The following TTC28 variants were observed in gnomAD, a reference collection of about 807,000 sequenced individuals.
The protein encoded by TTC28 is tetratricopeptide repeat domain 28, also known as tetratricopeptide repeat protein 28.
Under a neutral mutation model 198.0 loss-of-function variants are expected in TTC28, and 61 were observed. The ratio of observed to expected loss-of-function variants is 0.31; its 90% CI spans 0.25 to 0.38. TTC28 has a LOEUF of 0.38. Among genes scored for constraint, TTC28 ranks in the 10% least tolerant of loss-of-function variants. The pLI, the probability that TTC28 is intolerant of heterozygous loss-of-function variation, is 1.00. For missense variants in TTC28, 2,678 were observed against 3,164.0 expected, an observed-to-expected ratio of 0.85 and a Z score of 3.69; for synonymous variants, 1,171 against 1,297.8, an observed-to-expected ratio of 0.90 and a Z score of 2.10.
At chr22:28,098,894 A>G in intron 10 of TTC28, 21 bp downstream of exon 10, 1 of 1,551,094 alleles carries the variant, frequency 6.4e-7, no homozygotes, top group Non-Finnish European at 8.7e-7. Context: ...GTAAGCAAGG[A>G]GTAACCCCAG....
chr22:28,215,324 T>G (rs1927302635), intron 5 of TTC28, among the ~76,000 whole-genome samples: 1 of 152,174 alleles, frequency 6.6e-6, no homozygotes, highest in Non-Finnish European at 1.5e-5. Context: ...ATGGTCTGCA[T>G]GGTGCCTTCC....
intron 5 of TTC28, among the ~76,000 whole-genome samples, chr22:28,209,586 G>C (rs952157959): frequency 4.6e-5 from 7 of 152,204 alleles, no homozygotes; most frequent in Non-Finnish European, 8.8e-5. Flanking sequence ...GCGAGGCTGG[G>C]GGAGGGGCGT....
At chr22:28,013,498 G>T (rs1229589801) in intron 14 of TTC28, among the ~76,000 whole-genome samples, 1 of 152,220 alleles carries the variant, frequency 6.6e-6, no homozygotes, top group East Asian at 1.9e-4. Context: ...GGCAGATTAT[G>T]CAAGGGTGTC....
intron 2 of TTC28, among the ~76,000 whole-genome samples, chr22:28,473,127 T>G (rs1399659928): frequency 6.6e-6 from 1 of 152,154 alleles, no homozygotes; most frequent in Non-Finnish European, 1.5e-5. Context: ...ACACGAGGAT[T>G]TCTTTACACT....
chr22:28,167,096 C>A (rs1173769938), intron 5 of TTC28, among the ~76,000 whole-genome samples: 3 of 152,184 alleles, frequency 2.0e-5, no homozygotes, highest in African/African-American at 7.2e-5. Context: ...TTCCTCGACA[C>A]ATACACCCGC....
At chr22:28,167,241 G>A (rs1238473085) in intron 5 of TTC28, among the ~76,000 whole-genome samples, 1 of 152,094 alleles carries the variant, frequency 6.6e-6, no homozygotes, top group East Asian at 1.9e-4. Context: ...TTCTACCAGA[G>A]GTATAAGGAG....
intron 18 of TTC28, 115 bp from the exon 19 acceptor site, chr22:27,992,778 G>A: frequency 1.1e-6 from 1 of 918,418 alleles, no homozygotes; most frequent in Non-Finnish European, 1.6e-6. Flanking sequence ...TTTTTCAGAA[G>A]CTCAGCACAG....
At chr22:28,537,612 T>A (rs1246771324) in intron 2 of TTC28, among the ~76,000 whole-genome samples, 2 of 151,972 alleles carry the variant, frequency 1.3e-5, no homozygotes, top group East Asian at 1.9e-4. Flanking sequence ...GATTGATAGA[T>A]CAAAATGTAT....
intron 5 of TTC28, among the ~76,000 whole-genome samples, chr22:28,198,522 A>C (rs1332866069): frequency 6.6e-6 from 1 of 152,182 alleles, no homozygotes; most frequent in Non-Finnish European, 1.5e-5. Context: ...ACATTTATTT[A>C]AAATAATATT....
chr22:28,576,861 T>C (rs748456258), intron 2 of TTC28, among the ~76,000 whole-genome samples: 5 of 152,020 alleles, frequency 3.3e-5, no homozygotes, highest in Admixed American at 2.6e-4. Context: ...ATTATTTGGG[T>C]CTTCTCTCTT....
At chr22:28,003,701 C>A (rs1355391623) in intron 14 of TTC28, among the ~76,000 whole-genome samples, 1 of 152,208 alleles carries the variant, frequency 6.6e-6, no homozygotes, top group African/African-American at 2.4e-5. Context: ...GGAATCCACG[C>A]AGAGCAAACA....
At position 28,647,667 on chromosome 22, in the gene TTC28, G is replaced by A. The variant is rs373278171; in HGVS notation, c.103-17837C>T. Among the ~76,000 whole-genome samples the A allele has an allele frequency of 2.5e-4, 38 of 151,294 alleles. No homozygotes were observed. The East Asian group carries it at 4.9e-3, about 20-fold the overall frequency. ...ATCCTGGCCAACACGGTGAAACCCCGTCTCTACTAAAAATACAAAAAATTA... is the reference window on the plus strand; with the variant it reads ...ATCCTGGCCAACACGGTGAAACCCCATCTCTACTAAAAATACAAAAAATTA... On this transcript the variant is annotated intron_variant, in intron 1 of 22. Coordinates refer to ENST00000397906, the MANE Select transcript of TTC28 (RefSeq NM_001145418.2).
At chr22:27,987,460 G>A (rs557813342) in intron 21 of TTC28, among the ~76,000 whole-genome samples, 9 of 152,336 alleles carry the variant, frequency 5.9e-5, no homozygotes, top group Admixed American at 5.2e-4. Flanking sequence ...GGCCAGGTGC[G>A]GTGGCTCACG....
At chr22:28,538,788 C>T (rs1211532496) in intron 2 of TTC28, among the ~76,000 whole-genome samples, 2 of 152,006 alleles carry the variant, frequency 1.3e-5, no homozygotes, top group Non-Finnish European at 2.9e-5. Context: ...TCTCGAACTC[C>T]TGACCTCAAA....
intron 15 of TTC28, chr22:28,000,996 A>C: frequency 1.1e-5 from 2 of 177,102 alleles, no homozygotes; most frequent in Non-Finnish European, 2.4e-5. Flanking sequence ...GGCCAGATGA[A>C]TTGGGTGGCT....
intron 5 of TTC28, among the ~76,000 whole-genome samples, chr22:28,292,251 G>T (rs970661092): frequency 1.3e-5 from 2 of 152,198 alleles, no homozygotes; most frequent in Non-Finnish European, 2.9e-5. Context: ...ACAATGGTGT[G>T]AACTTGGCCC....
At chr22:28,226,537 C>T (rs1928353721) in intron 5 of TTC28, among the ~76,000 whole-genome samples, 1 of 152,048 alleles carries the variant, frequency 6.6e-6, no homozygotes, top group Non-Finnish European at 1.5e-5. Context: ...CGTAATTCTC[C>T]CACCTCCGCC....
intron 14 of TTC28, chr22:28,002,115 G>A (rs1174865295): frequency 6.4e-6 from 1 of 157,016 alleles, no homozygotes; most frequent in Non-Finnish European, 1.4e-5. Flanking sequence ...GGGACCCAAT[G>A]CATGGATGAC....
At chr22:27,999,495 T>C (rs1267202160) in intron 15 of TTC28, 6 of 613,290 alleles carry the variant, frequency 9.8e-6, no homozygotes, top group Non-Finnish European at 1.6e-5. Context: ...GACTGGATGG[T>C]AGGGGTCCTG....
Sources: allele counts gnomAD v4.1 joint callset (sites outside exome capture counted in the v4.1 genomes callset), GRCh38; gene constraint gnomAD v4.1.1; transcripts MANE v1.5; gene names NCBI Gene and HGNC (gene_info 2026-07-23, HGNC 2026-07-21).